Variants in LARP4 observed in about 807,000 individuals in gnomAD.
LARP4 encodes La ribonucleoprotein 4.
LARP4 carries 29 observed loss-of-function variants against 92.9 expected under a neutral mutation model. The ratio of observed to expected loss-of-function variants is 0.31; its 90% confidence interval spans 0.23 to 0.43. The LOEUF is 0.43. Among genes scored for constraint, LARP4 ranks in the 20% least tolerant of loss-of-function variants. The probability of loss-of-function intolerance (pLI) is 1.00; values close to 1 mark genes in which losing one functional copy is unlikely to be tolerated. For synonymous variants in LARP4, 279 were observed against 284.1 expected (o/e 0.98, Z 0.18); for missense variants, 732 against 860.0 (o/e 0.85, Z 1.86).
rs562841240 is a variant in LARP4 at position 50,477,086 on chromosome 12, C to T, written c.*1222C>T. ...CTGTTTACAGTGTATTACCTTCCTT[C>T]CCTCCTCTTCTCCCCCCACACCCAA... is the stretch of plus-strand genomic sequence containing the variant. On this transcript the variant is annotated 3_prime_UTR_variant, in exon 16 of 16. Coordinates refer to ENST00000398473, the MANE Select transcript of LARP4 (RefSeq NM_052879.5). The T allele has an allele frequency of 6.6e-6, 1 of 152,568 alleles. No homozygotes were observed. Among genetic ancestry groups the T allele is most frequent in the Admixed American group, 6.6e-5 (1 of 15,262 alleles). The allele number at this position is 152,568 out of a possible 1,614,324, so 9.5% of individuals were successfully genotyped here. A position where few individuals can be genotyped will look rare whatever the true frequency, so the allele number is the denominator to read the frequency against.
At chr12:50,417,726 ACT>A (rs1292011684) in intron 1 of LARP4, among the ~76,000 whole-genome samples, 1 of 152,096 alleles carries the variant, frequency 6.6e-6, no homozygotes, top group Non-Finnish European at 1.5e-5. Flanking sequence ...ATGGAGTCTC[ACT>A]CTGTTACCCA....
At chr12:50,466,760 CTAAAG>C (rs1956205045) in intron 12 of LARP4, among the ~76,000 whole-genome samples, 194 bp from the exon 13 acceptor site, 1 of 152,126 alleles carries the variant, frequency 6.6e-6, no homozygotes, top group Admixed American at 6.5e-5. Flanking sequence ...AGAGAAGTGA[CTAAAG>C]AAAAGTAGAA....
chr12:50,420,151 TC>T (rs1947489758), intron 1 of LARP4, among the ~76,000 whole-genome samples: 1 of 152,008 alleles, frequency 6.6e-6, no homozygotes, highest in Non-Finnish European at 1.5e-5. Flanking sequence ...AAAAAGTTGA[TC>T]AGATAGATTT....
intron 4 of LARP4, among the ~76,000 whole-genome samples, chr12:50,434,243 C>T (rs1387404327): frequency 6.6e-6 from 1 of 151,932 alleles, no homozygotes; most frequent in Non-Finnish European, 1.5e-5. Context: ...TATTTATAGC[C>T]AGACTGCTTC....
chr12:50,408,795 A>G (rs146261630), intron 1 of LARP4, among the ~76,000 whole-genome samples: 83 of 152,274 alleles, frequency 5.5e-4, no homozygotes, highest in African/African-American at 1.9e-3. Flanking sequence ...CTTTCCTGCT[A>G]TACTAACAAA....
At chr12:50,456,692 C>T (rs533266667) in intron 10 of LARP4, among the ~76,000 whole-genome samples, 1 of 152,140 alleles carries the variant, frequency 6.6e-6, no homozygotes, top group African/African-American at 2.4e-5. Context: ...TGTCTTTTAT[C>T]ACTTCTTTCT....
intron 8 of LARP4, among the ~76,000 whole-genome samples, chr12:50,450,950 G>A (rs1953084986): frequency 6.6e-6 from 1 of 152,174 alleles, no homozygotes; most frequent in Non-Finnish European, 1.5e-5. Flanking sequence ...GTGATGGACT[G>A]TTGGGTTGCT....
intron 8 of LARP4, among the ~76,000 whole-genome samples, chr12:50,443,679 T>C (rs1951584648): frequency 6.6e-6 from 1 of 152,168 alleles, no homozygotes; most frequent in South Asian, 2.1e-4. Context: ...TGGCACAATC[T>C]CAGCTCAATG....
intron 4 of LARP4, among the ~76,000 whole-genome samples, chr12:50,433,674 C>G (rs985529909): frequency 4.8e-5 from 7 of 146,838 alleles, no homozygotes; most frequent in African/African-American, 1.8e-4. Context: ...AGTTCTCACT[C>G]TATTGCGTAG....
intron 1 of LARP4, among the ~76,000 whole-genome samples, chr12:50,419,052 G>T (rs573460478): frequency 1.4e-4 from 21 of 152,016 alleles, no homozygotes; most frequent in Admixed American, 2.6e-4. Context: ...TTAAAGCAGA[G>T]ATTTAAGCTG....
At chr12:50,469,039 A>G (rs1270662993) in intron 13 of LARP4, among the ~76,000 whole-genome samples, 1 of 150,746 alleles carries the variant, frequency 6.6e-6, no homozygotes, top group Non-Finnish European at 1.5e-5. Context: ...TCACTCTTCC[A>G]TGTTAGGGTG....
In LARP4 at chr12:50,456,389, T is replaced by A. The variant is rs375430308; in HGVS notation, c.1121+1972T>A. On this transcript the variant is annotated intron_variant, in intron 10 of 15. Coordinates refer to ENST00000398473, the MANE Select transcript of LARP4 (RefSeq NM_052879.5). ...AGAAATAATTAGTGAATACTTTTTC[T>A]AAAAATGCAAATAAAGACCTTCTGG... 4.3e-3 allele frequency among the ~76,000 whole-genome samples: 649 copies of A among 152,108 alleles called. 6 individuals carry two copies. The highest frequency in any genetic ancestry group is 0.015 in the African/African-American group (616 of 41,486).
chr12:50,457,440 C>G lies in LARP4; in HGVS notation c.1121+3023C>G, dbSNP rs938419859. Among the ~76,000 whole-genome samples, 3 of 152,100 alleles carry G rather than the reference C, an allele frequency of 2.0e-5. No individual in the cohort carries two copies. In the East Asian group the frequency reaches 5.8e-4, roughly 29 times the overall value. On this transcript the variant is annotated intron_variant, in intron 10 of 15. Transcript: ENST00000398473. ...CAGGCTGGTCTCGAACTCCTGACCT[C>G]AGGTGATCTACCCGCCTTGGCCTCC...
intron 12 of LARP4, among the ~76,000 whole-genome samples, chr12:50,465,773 T>C (rs1441392950): frequency 1.3e-5 from 2 of 152,200 alleles, no homozygotes; most frequent in African/African-American, 2.4e-5. Flanking sequence ...GCTGAAAATA[T>C]TTAAAACCTA....
chr12:50,418,338 A>G (rs1159908880), intron 1 of LARP4, among the ~76,000 whole-genome samples: 2 of 152,152 alleles, frequency 1.3e-5, no homozygotes, highest in African/African-American at 2.4e-5. Context: ...AAGCGGAAGG[A>G]TTACATAATT....
At chr12:50,402,826 C>A in intron 1 of LARP4, 1 of 454,592 alleles carries the variant, frequency 2.2e-6, no homozygotes, top group South Asian at 1.6e-5. Flanking sequence ...TAGACAAATT[C>A]TATCGTATCT....
At chr12:50,434,238 A>G (rs1950092331) in intron 4 of LARP4, among the ~76,000 whole-genome samples, 2 of 152,138 alleles carry the variant, frequency 1.3e-5, no homozygotes, top group South Asian at 4.1e-4. Context: ...CCAGCTATTT[A>G]TAGCCAGACT....
chr12:50,476,090 A>T lies in LARP4; in HGVS notation c.*226A>T. ...AATCAATATAAATATATATATATAT[A>T]TACACACACATATATAAAAAGTATA... On this transcript the variant is annotated 3_prime_UTR_variant, in exon 16 of 16. Coordinates refer to ENST00000398473, the MANE Select transcript of LARP4 (RefSeq NM_052879.5). The T allele has an allele frequency of 8.8e-6, 2 of 226,670 alleles. No individual in the cohort carries two copies. The highest frequency in any genetic ancestry group is 1.7e-5 in the Non-Finnish European group (2 of 115,870). 14.0% of individuals were successfully genotyped at this position (226,670 alleles called of 1,614,324 possible).
At chr12:50,420,816 AG>A (rs1947621516) in intron 1 of LARP4, 2 of 152,208 alleles carry the variant, frequency 1.3e-5, no homozygotes, top group African/African-American at 4.8e-5. Context: ...GAAAACTCCG[AG>A]ATGCAAGAAA....
Sources: allele counts gnomAD v4.1 joint callset (sites outside exome capture counted in the v4.1 genomes callset), GRCh38; gene constraint gnomAD v4.1.1; transcripts MANE v1.5; gene names NCBI Gene and HGNC (gene_info 2026-07-23, HGNC 2026-07-21).